EGFL6: variants seen among roughly 807,000 people sequenced by gnomAD.
EGFL6 encodes the protein epidermal growth factor-like protein 6.
A neutral mutation model predicts 43.1 loss-of-function variants in EGFL6; 42 were observed. The ratio of observed to expected loss-of-function variants is 0.98; its 90% confidence interval spans 0.76 to 1.26. EGFL6 has a LOEUF of 1.26. Ranked by LOEUF, EGFL6 falls within the 50% of genes most tolerant of loss-of-function variation. The probability of loss-of-function intolerance (pLI) is 0.00; values close to 1 mark genes in which losing one functional copy is unlikely to be tolerated. For synonymous variants in EGFL6, 164 were observed against 163.2 expected (o/e 1.01, Z -0.04); for missense variants, 429 against 427.8 (o/e 1.00, Z -0.02).
intron 7 of EGFL6, among the ~76,000 whole-genome samples, chrX:13,613,430 G>C (rs1227254155): frequency 1.8e-5 from 2 of 110,224 alleles, no homozygotes; most frequent in Non-Finnish European, 3.8e-5. Context: ...TCAAAACCCA[G>C]ATAACACTCA....
Position 13,633,251 on chromosome X carries a change from C to T in EGFL6, c.*156C>T. ...GATGCCTTTCTTGTATAAGATATGCCAATATTTGCTTTAAATATCATATCA... is the reference window on the plus strand; with the variant it reads ...GATGCCTTTCTTGTATAAGATATGCTAATATTTGCTTTAAATATCATATCA... On this transcript the variant is annotated 3_prime_UTR_variant, in exon 12 of 12. Transcript: ENST00000361306. 1 of 412,541 alleles carries T rather than the reference C, an allele frequency of 2.4e-6. No homozygotes were observed. The highest frequency in any genetic ancestry group is 2.6e-5 in the African/African-American group (1 of 38,579). The allele number at this position is 412,541 out of a possible 1,213,427, so 34.0% of individuals were successfully genotyped here.
chrX:13,589,391 G>C (rs2045550637), intron 1 of EGFL6, among the ~76,000 whole-genome samples, 165 bp from the exon 2 acceptor site: 2 of 112,038 alleles, frequency 1.8e-5, no homozygotes, highest in Admixed American at 9.5e-5. Context: ...ATTGAGGAAG[G>C]CTGGCAACCC....
intron 6 of EGFL6, among the ~76,000 whole-genome samples, chrX:13,606,733 A>G (rs1443053802): frequency 8.9e-6 from 1 of 112,640 alleles, no homozygotes; most frequent in Non-Finnish European, 1.9e-5. Flanking sequence ...AAAGTAAGGA[A>G]TACAGCTCTC....
chrX:13,606,503 T>C lies in EGFL6; in HGVS notation c.645T>C (p.Tyr215=). 1 of 1,211,307 alleles carries C rather than the reference T, an allele frequency of 8.3e-7. No individual in the cohort carries two copies. The highest frequency in any genetic ancestry group is 3.0e-5 in the East Asian group (1 of 33,821). ...AACTGCAATATATCAGTGGACGATA[T>C]GACTGTATAGGTAAGATTCGATGGC... ...GFELQYISGR[Y]DCIDINECTM... is the part of the protein sequence containing the mutation. Residue 215 remains tyrosine, a synonymous_variant, in exon 6 of 12, where the codon TAT becomes TAC. Transcript: ENST00000361306.
chrX:13,625,677 C>G (rs1049911371), intron 10 of EGFL6, among the ~76,000 whole-genome samples: 4 of 109,393 alleles, frequency 3.7e-5, no homozygotes, highest in Admixed American at 2.0e-4. Context: ...GAACAAGACT[C>G]CATCTCCAAG....
intron 7 of EGFL6, among the ~76,000 whole-genome samples, chrX:13,614,034 G>A (rs2045706047): frequency 1.8e-5 from 2 of 111,959 alleles, no homozygotes; most frequent in African/African-American, 6.5e-5. Context: ...TGTGTGCCAA[G>A]CACTAATCTT....
chrX:13,608,037 G>A (rs944776397), intron 6 of EGFL6, among the ~76,000 whole-genome samples: 3 of 112,605 alleles, frequency 2.7e-5, no homozygotes, highest in Middle Eastern at 4.6e-3. Context: ...AGAGGAGAAA[G>A]TTAAGAGAAA....
At chrX:13,595,171 C>T (rs2045590237) in intron 3 of EGFL6, among the ~76,000 whole-genome samples, 1 of 110,739 alleles carries the variant, frequency 9.0e-6, no homozygotes, top group Admixed American at 9.6e-5. Context: ...TTTAAATAAG[C>T]TAAAGGTCTT....
intron 1 of EGFL6, among the ~76,000 whole-genome samples, chrX:13,570,997 C>T (rs1212463557): frequency 9.0e-6 from 1 of 111,017 alleles, no homozygotes; most frequent in African/African-American, 3.3e-5. Context: ...TCGGGCTGGG[C>T]TGGATAATTA....
At chrX:13,603,572 TCTGAGATACTTTTAGCCAC>T in intron 5 of EGFL6, 136 bp downstream of exon 5, 1 of 785,299 alleles carries the variant, frequency 1.3e-6, no homozygotes, top group Non-Finnish European at 1.7e-6. Flanking sequence ...TATATCAGTT[TCTGAGATACTTTTAGCCAC>T]ATATGCTCTA....
At chrX:13,582,409 T>G (rs2045512244) in intron 1 of EGFL6, among the ~76,000 whole-genome samples, 1 of 111,485 alleles carries the variant, frequency 9.0e-6, no homozygotes, top group Admixed American at 9.6e-5. Flanking sequence ...ATGAGAGTGA[T>G]GTAGATTTGA....
chrX:13,629,024 A>C (rs1322967396), intron 11 of EGFL6, among the ~76,000 whole-genome samples: 3 of 112,964 alleles, frequency 2.7e-5, no homozygotes, highest in Non-Finnish European at 5.6e-5. Flanking sequence ...AAAGCAGAAC[A>C]TCTTGTTTAA....
At chrX:13,583,940 G>A (rs1371704546) in intron 1 of EGFL6, among the ~76,000 whole-genome samples, 2 of 111,721 alleles carry the variant, frequency 1.8e-5, no homozygotes, top group South Asian at 3.8e-4. Context: ...TGTGGGAAAC[G>A]TGGCTCTCCT....
intron 7 of EGFL6, among the ~76,000 whole-genome samples, chrX:13,616,859 A>ATTTTT (rs773399610): frequency 1.1e-5 from 1 of 88,985 alleles, no homozygotes; most frequent in East Asian, 3.5e-4. Flanking sequence ...CTAGAGGTAC[A>ATTTTT]TTTTTTTTTT....
intron 11 of EGFL6, among the ~76,000 whole-genome samples, chrX:13,629,260 A>G (rs2045798438): frequency 8.9e-6 from 1 of 112,312 alleles, no homozygotes; most frequent in Non-Finnish European, 1.9e-5. Flanking sequence ...TGTGGCACTG[A>G]GCCATGCTAT....
chrX:13,594,558 C>T (rs1053761089), intron 2 of EGFL6, among the ~76,000 whole-genome samples: 8 of 111,722 alleles, frequency 7.2e-5, no homozygotes, highest in African/African-American at 2.0e-4. Flanking sequence ...TGGCATTTGC[C>T]CAGGGTTACT....
chrX:13,597,266 A>G (rs185805114), intron 3 of EGFL6, among the ~76,000 whole-genome samples: 15 of 111,929 alleles, frequency 1.3e-4, no homozygotes, highest in Non-Finnish European at 2.3e-4. Context: ...TGGAGAATGG[A>G]GTTTCAGAGA....
intron 1 of EGFL6, among the ~76,000 whole-genome samples, chrX:13,573,075 C>G (rs1304252955): frequency 8.9e-6 from 1 of 112,005 alleles, no homozygotes; most frequent in East Asian, 2.8e-4. Flanking sequence ...AAGAAGAACC[C>G]TTGTGATTAT....
At chrX:13,618,296 T>C (rs1254890971) in intron 8 of EGFL6, among the ~76,000 whole-genome samples, 1 of 112,276 alleles carries the variant, frequency 8.9e-6, no homozygotes, top group Non-Finnish European at 1.9e-5. Context: ...GTTTCCTATT[T>C]GACACAGACC....
Sources: allele counts gnomAD v4.1 joint callset (sites outside exome capture counted in the v4.1 genomes callset), GRCh38; gene constraint gnomAD v4.1.1; transcripts MANE v1.5; gene names NCBI Gene and HGNC (gene_info 2026-07-23, HGNC 2026-07-21).